ZNF385B: variants seen among roughly 807,000 people sequenced by gnomAD.
The protein encoded by ZNF385B is zinc finger protein 385B.
Under a neutral mutation model 39.2 loss-of-function variants are expected in ZNF385B, and 23 were observed. The observed-to-expected ratio is 0.59, with a 90% CI of 0.42 to 0.83. ZNF385B has a LOEUF of 0.83. ZNF385B is among the 40% of genes least tolerant of loss of function. ZNF385B has a pLI of 0.00. For synonymous variants in ZNF385B, 205 were observed against 222.6 expected (o/e 0.92, Z 0.70); for missense variants, 552 against 598.9 (o/e 0.92, Z 0.82).
intron 1 of ZNF385B, among the ~76,000 whole-genome samples, chr2:179,838,674 A>G (rs1559239901): frequency 6.6e-6 from 1 of 152,326 alleles, no homozygotes; most frequent in East Asian, 1.9e-4. Flanking sequence ...ATAAATATCT[A>G]TATGGCTAGA....
chr2:179,531,384 C>T (rs1021048668), intron 4 of ZNF385B, among the ~76,000 whole-genome samples: 1 of 152,038 alleles, frequency 6.6e-6, no homozygotes, highest in African/African-American at 2.4e-5. Flanking sequence ...GCCTGTAATC[C>T]CAGCACTTTG....
intron 5 of ZNF385B, among the ~76,000 whole-genome samples, chr2:179,500,063 C>T (rs1040531691): frequency 6.6e-6 from 1 of 151,670 alleles, no homozygotes; most frequent in African/African-American, 2.4e-5. Flanking sequence ...AATTAAATAT[C>T]TAAGATTTAA....
At chr2:179,500,572 TC>T (rs2056662783) in intron 5 of ZNF385B, among the ~76,000 whole-genome samples, 1 of 152,102 alleles carries the variant, frequency 6.6e-6, no homozygotes, top group South Asian at 2.1e-4. Context: ...AGACCCCATC[TC>T]TTGCCATATA....
intron 3 of ZNF385B, among the ~76,000 whole-genome samples, chr2:179,720,197 T>A (rs1248911303): frequency 3.9e-5 from 6 of 151,962 alleles, no homozygotes; most frequent in African/African-American, 1.5e-4. Context: ...CAAAAACATA[T>A]CAACAATTTA....
intron 1 of ZNF385B, among the ~76,000 whole-genome samples, chr2:179,845,956 A>C (rs1708777786): frequency 6.6e-6 from 1 of 152,166 alleles, no homozygotes; most frequent in South Asian, 2.1e-4. Context: ...TGTTCTTTTG[A>C]AAGATAAAGG....
chr2:179,564,981 G>T (rs1684391139), intron 3 of ZNF385B, among the ~76,000 whole-genome samples: 5 of 151,966 alleles, frequency 3.3e-5, no homozygotes, highest in Admixed American at 3.3e-4. Flanking sequence ...CCTCTTCCTT[G>T]TCCCTGAATC....
chr2:179,445,907 G>A (rs189488628), intron 7 of ZNF385B, among the ~76,000 whole-genome samples, 179 bp from the exon 8 acceptor site: 24 of 152,028 alleles, frequency 1.6e-4, no homozygotes, highest in South Asian at 6.2e-4. Context: ...AAATGTAAGC[G>A]TATATAATAA....
chr2:179,489,495 T>C (rs1438475010), intron 5 of ZNF385B, among the ~76,000 whole-genome samples: 2 of 152,220 alleles, frequency 1.3e-5, no homozygotes, highest in African/African-American at 4.8e-5. Flanking sequence ...GTTATTTATA[T>C]TGAAGCTTTA....
chr2:179,481,347 C>T (rs767892751), intron 6 of ZNF385B, among the ~76,000 whole-genome samples: 1 of 151,550 alleles, frequency 6.6e-6, no homozygotes, highest in African/African-American at 2.4e-5. Context: ...TTTCTATTTC[C>T]GTATTGCTCT....
intron 1 of ZNF385B, among the ~76,000 whole-genome samples, chr2:179,852,011 T>C (rs1299726669): frequency 2.0e-5 from 3 of 152,164 alleles, no homozygotes; most frequent in Admixed American, 2.0e-4. Context: ...CTCGACAAAT[T>C]TAAACCTTGC....
intron 3 of ZNF385B, among the ~76,000 whole-genome samples, chr2:179,657,441 A>T (rs970940695): frequency 6.6e-5 from 10 of 152,242 alleles, no homozygotes; most frequent in African/African-American, 2.4e-4. Context: ...TATGAATAGA[A>T]GGCAGAAATG....
At chr2:179,821,904 A>C (rs1707420142) in intron 1 of ZNF385B, among the ~76,000 whole-genome samples, 2 of 152,232 alleles carry the variant, frequency 1.3e-5, no homozygotes, top group South Asian at 2.1e-4. Context: ...GTACTTCTAT[A>C]GTGTCCAAAG....
At chr2:179,624,859 G>T (rs1227620116) in intron 3 of ZNF385B, among the ~76,000 whole-genome samples, 1 of 152,136 alleles carries the variant, frequency 6.6e-6, no homozygotes, top group Admixed American at 6.6e-5. Flanking sequence ...TATCATCTAG[G>T]CCCTTGCTAG....
intron 1 of ZNF385B, among the ~76,000 whole-genome samples, chr2:179,805,155 G>A (rs1482344107): frequency 6.6e-6 from 1 of 152,090 alleles, no homozygotes; most frequent in African/African-American, 2.4e-5. Context: ...CCCGGCCACT[G>A]TACTAGGAAA....
intron 5 of ZNF385B, among the ~76,000 whole-genome samples, chr2:179,516,920 T>C (rs1297165753): frequency 6.6e-6 from 1 of 151,098 alleles, no homozygotes; most frequent in Non-Finnish European, 1.5e-5. Context: ...TTTTTATGTT[T>C]TGTATCAGGT....
intron 3 of ZNF385B, among the ~76,000 whole-genome samples, chr2:179,644,460 T>C (rs1692538044): frequency 6.6e-6 from 1 of 152,156 alleles, no homozygotes; most frequent in Non-Finnish European, 1.5e-5. Flanking sequence ...GTTATCAACT[T>C]GTTGATATTT....
intron 4 of ZNF385B, among the ~76,000 whole-genome samples, chr2:179,533,755 G>A (rs1306145810): frequency 1.3e-5 from 2 of 152,108 alleles, no homozygotes; most frequent in African/African-American, 4.8e-5. Context: ...GTTTTAAATT[G>A]CCATTTTAAC....
At chr2:179,676,390 AT>A (rs1313239597) in intron 3 of ZNF385B, among the ~76,000 whole-genome samples, 95 of 151,608 alleles carry the variant, frequency 6.3e-4, no homozygotes, top group Middle Eastern at 3.4e-3. Context: ...GCCCAGCCTA[AT>A]TTTTTTGTAT....
chr2:179,744,400 T>C (rs982517356), intron 3 of ZNF385B, among the ~76,000 whole-genome samples: 1 of 151,856 alleles, frequency 6.6e-6, no homozygotes, highest in African/African-American at 2.4e-5. Context: ...GAACCATAAA[T>C]TGACCATTAC....
Sources: gnomAD v4.1 joint callset for allele counts (sites outside exome capture counted in the v4.1 genomes callset) on GRCh38, gnomAD v4.1.1 for gene constraint, MANE v1.5 for transcripts, NCBI Gene and HGNC (gene_info 2026-07-23, HGNC 2026-07-21) for gene names.